KDM5A: variants seen among roughly 807,000 people sequenced by gnomAD.
The protein encoded by KDM5A is lysine-specific demethylase 5A.
KDM5A carries 42 observed loss-of-function variants against 193.5 expected under a neutral mutation model. The ratio of observed to expected loss-of-function variants is 0.22; its 90% CI spans 0.17 to 0.28. The LOEUF is 0.28. KDM5A is among the 10% of genes least tolerant of loss of function. KDM5A has a pLI of 1.00. For synonymous variants in KDM5A, 796 were observed against 718.1 expected (o/e 1.11, Z -1.73); for missense variants, 1,692 against 2,055.1 (o/e 0.82, Z 3.42).
chr12:306,879 G>GT, intron 24 of KDM5A, 67 bp downstream of exon 24: 1 of 1,211,050 alleles, frequency 8.3e-7, no homozygotes, highest in Non-Finnish European at 1.2e-6. Context: ...CTGTTCAATA[G>GT]CTTTTTTTTT....
Position 388,963 on chromosome 12 carries a change from C to T in KDM5A, c.129G>A (p.Ala43=), listed in dbSNP as rs370389838. ...LSFIGRIRPL[A]EKTGICKIRP... is the part of the protein sequence containing the mutation. The stretch of plus-strand genomic sequence containing the variant: ...GAATTTTGCAGATGCCGGTTTTCTC[C>T]GCCAAAGGCCGGATGCGGCCGATAA... Residue 43 remains alanine, a synonymous_variant, in exon 1 of 28, where the codon GCG becomes GCA. Transcript: ENST00000399788. 26 of 1,614,112 alleles carry T rather than the reference C, an allele frequency of 1.6e-5. No homozygotes were observed. In the African/African-American group the frequency reaches 3.1e-4, roughly 19 times the overall value.
chr12:356,959 G>A (rs1944235411), intron 5 of KDM5A, among the ~76,000 whole-genome samples: 1 of 152,088 alleles, frequency 6.6e-6, no homozygotes, highest in African/African-American at 2.4e-5. Context: ...TGTACTGGAA[G>A]CCCCTGGGAA....
chr12:364,264 G>C (rs1944324615), intron 4 of KDM5A, among the ~76,000 whole-genome samples: 1 of 152,084 alleles, frequency 6.6e-6, no homozygotes, highest in Admixed American at 6.5e-5. Context: ...TTGAAGTCAG[G>C]AGTTCAAGAC....
chr12:363,084 G>A lies in KDM5A; in HGVS notation c.551C>T (p.Pro184Leu), dbSNP rs1316241491. Residue 184 changes from proline (P) to leucine (L), a missense_variant, in exon 5 of 28, where the codon CCT (proline) becomes CTT (leucine). Physicochemically the swap from Pro to Leu is moderately conservative, Grantham distance 98. Around this residue, in one of 11 missense-constraint regions of KDM5A, gnomAD observed 120 missense variants for 172.0 expected, o/e 0.70. Transcript: ENST00000399788. ...CACTTTTTCTTTAAGATCTAAATTA[G>A]GCATCTGCACACCCTAAAAGATCAG... ...SGVSLMGVQM[P>L]NLDLKEKVEP... 6.2e-7 allele frequency: 1 copy of A among 1,613,794 alleles called. No homozygotes were observed. The highest frequency in any genetic ancestry group is 8.5e-7 in the Non-Finnish European group (1 of 1,179,928).
At chr12:311,306 T>TAAC in intron 20 of KDM5A, 1 of 505,844 alleles carries the variant, frequency 2.0e-6, no homozygotes, top group Non-Finnish European at 3.5e-6. Context: ...CCAGTAGATA[T>TAAC]AACAACCAGT....
At chr12:324,478 A>G (rs1943759316) in intron 14 of KDM5A, among the ~76,000 whole-genome samples, 1 of 152,222 alleles carries the variant, frequency 6.6e-6, no homozygotes, top group African/African-American at 2.4e-5. Flanking sequence ...ACATATACAA[A>G]CATATGTAAG....
At chr12:316,389 A>G (rs919561831) in intron 19 of KDM5A, among the ~76,000 whole-genome samples, 1 of 152,190 alleles carries the variant, frequency 6.6e-6, no homozygotes, top group African/African-American at 2.4e-5. Flanking sequence ...CCTGGCATGT[A>G]GCAGGTTCTC....
chr12:317,786 G>A (rs535255512), intron 19 of KDM5A, among the ~76,000 whole-genome samples: 3 of 152,294 alleles, frequency 2.0e-5, no homozygotes, highest in Admixed American at 2.0e-4. Context: ...CATGGCCTGT[G>A]GGCATTCCTG....
rs1413868591 is a variant in KDM5A at position 287,099 on chromosome 12, T to TCTCATGGCTCTA, written c.4867-1449_4867-1438dup. Among the ~76,000 whole-genome samples, 6 of 152,246 alleles carry TCTCATGGCTCTA rather than the reference T, an allele frequency of 3.9e-5. No homozygotes were observed. The East Asian group carries it at 5.8e-4, about 15-fold the overall frequency. ...TACTGGAGGCACTTTCCAGTCATGG[T>TCTCATGGCTCTA]CTCATGGCTCTACTCATTACCCTAC... On this transcript the variant is annotated intron_variant, in intron 27 of 27. Transcript: ENST00000399788.
intron 10 of KDM5A, among the ~76,000 whole-genome samples, chr12:340,307 T>C (rs934998205): frequency 2.0e-5 from 3 of 152,122 alleles, no homozygotes; most frequent in Admixed American, 6.6e-5. Flanking sequence ...GTGAGCCATT[T>C]TGAAAGCAAA....
At chr12:322,359 GT>G in intron 17 of KDM5A, 57 bp downstream of exon 17, 1 of 1,578,316 alleles carries the variant, frequency 6.3e-7, no homozygotes, top group Non-Finnish European at 8.6e-7. Flanking sequence ...TAAAATTTTG[GT>G]TTTTACTCTG....
chr12:355,191 C>T lies in KDM5A; in HGVS notation c.837G>A (p.Met279Ile), dbSNP rs1445712907. 1 of 1,612,230 alleles carries T rather than the reference C, an allele frequency of 6.2e-7. No individual in the cohort carries two copies. The highest frequency in any genetic ancestry group is 2.2e-5 in the East Asian group (1 of 44,860). ...CAGAGAGAGTGCCTTTCCGTTGTCT[C>T]ATTTGCATGTTAAATGCGTCTGACC... ...TNRSDAFNMQ[M>I]RQRKGTLSVN... Residue 279 changes from methionine (M) to isoleucine (I), a missense_variant, in exon 7 of 28, where the codon ATG (methionine) becomes ATA (isoleucine). By Grantham distance (10) the Met-to-Ile change is conservative (BLOSUM62 1). Coordinates refer to ENST00000399788, the MANE Select transcript of KDM5A (RefSeq NM_001042603.3).
At chr12:330,510 A>C (rs1943852313) in intron 13 of KDM5A, among the ~76,000 whole-genome samples, 1 of 152,156 alleles carries the variant, frequency 6.6e-6, no homozygotes, top group African/African-American at 2.4e-5. Context: ...AATACCAATA[A>C]CAGAGAGAAT....
intron 27 of KDM5A, among the ~76,000 whole-genome samples, chr12:288,692 T>C (rs542226338): frequency 6.6e-6 from 1 of 152,362 alleles, no homozygotes; most frequent in African/African-American, 2.4e-5. Flanking sequence ...CCAAGTTTCC[T>C]AGCAAAAGCT....
chr12:291,278 T>C (rs1300293185), intron 27 of KDM5A, among the ~76,000 whole-genome samples: 1 of 152,192 alleles, frequency 6.6e-6, no homozygotes, highest in East Asian at 1.9e-4. Flanking sequence ...AGGATATATA[T>C]TTTACTATGC....
At chr12:330,892 C>T (rs940772193) in intron 13 of KDM5A, among the ~76,000 whole-genome samples, 2 of 151,832 alleles carry the variant, frequency 1.3e-5, no homozygotes, top group African/African-American at 4.8e-5. Context: ...AAAACAGCAC[C>T]AATACAAGAA....
chr12:363,015 G>T lies in KDM5A; in HGVS notation c.620C>A (p.Pro207Gln). 1 of 1,614,140 alleles carries T rather than the reference G, an allele frequency of 6.2e-7. No homozygotes were observed. The change falls in exon 5 of 28, where the codon CCA becomes CAA. Residue 207 changes from proline (P) to glutamine (Q), a missense_variant. Pro to Gln is a moderately conservative substitution (Grantham distance 76, BLOSUM62 -1). Around this residue, in one of 11 missense-constraint regions of KDM5A, gnomAD observed 134 missense variants for 124.2 expected, o/e 1.08. Transcript: ENST00000399788. ...LSTDTQTSPE[P>Q]GTRMNILPKR... ...CGGCAGAATGTTCATCCTTGTGCCT[G>T]GCTCTGGGGAAGTTTGGGTATCAGT...
At chr12:310,373 G>A (rs1165491024) in intron 21 of KDM5A, among the ~76,000 whole-genome samples, 1 of 152,198 alleles carries the variant, frequency 6.6e-6, no homozygotes, top group Non-Finnish European at 1.5e-5. Flanking sequence ...GCTCACACCT[G>A]TAATCCCAGC....
chr12:361,198 A>ATT (rs57986637), intron 5 of KDM5A, among the ~76,000 whole-genome samples: 1 of 146,694 alleles, frequency 6.8e-6, no homozygotes, highest in Admixed American at 6.8e-5. Context: ...ACCCCCCTCC[A>ATT]TTTTTTTTTT....
Sources: gnomAD v4.1 joint callset for allele counts (sites outside exome capture counted in the v4.1 genomes callset) on GRCh38, gnomAD v4.1.1 for gene constraint, gnomAD v4.1.1 regional missense constraint, MANE v1.5 for transcripts, NCBI Gene and HGNC (gene_info 2026-07-23, HGNC 2026-07-21) for gene names.